The following RDH10 variants were observed in gnomAD, a reference collection of about 807,000 sequenced individuals.
RDH10 encodes the protein retinol dehydrogenase 10 (all-trans).
RDH10 carries 12 observed loss-of-function variants against 30.2 expected under a neutral mutation model. The ratio of observed to expected loss-of-function variants is 0.40; its 90% CI spans 0.25 to 0.64. RDH10 has a LOEUF of 0.64. Ranked by LOEUF, RDH10 falls within the 30% of genes least tolerant of loss-of-function variation. The probability of loss-of-function intolerance (pLI) is 0.43; values close to 1 mark genes in which losing one functional copy is unlikely to be tolerated. For synonymous variants in RDH10, 189 were observed against 172.2 expected (o/e 1.10, Z -0.76); for missense variants, 268 against 445.2 (o/e 0.60, Z 3.58).
In RDH10 at chr8:73,323,653, A is replaced by ATT. The variant is rs34248272; in HGVS notation, c.*635_*636dup. On this transcript the variant is annotated 3_prime_UTR_variant, in exon 6 of 6. Coordinates refer to ENST00000240285, the MANE Select transcript of RDH10 (RefSeq NM_172037.5). ...TCACAATGACTAAAGTATTAGTTGA[A>ATT]TTTTTTTTTTTTTTTTTTTGATGGA... 26,020 of 134,962 alleles carry ATT rather than the reference A, an allele frequency of 0.19. 2,992 individuals carry two copies. The highest frequency in any genetic ancestry group is 0.3 in the African/African-American group (10,650 of 35,880). The allele number at this position is 134,962 out of a possible 1,614,324, so 8.4% of individuals were successfully genotyped here.
chr8:73,295,930 TG>T, intron 1 of RDH10: 1 of 802,074 alleles, frequency 1.2e-6, no homozygotes, highest in Non-Finnish European at 1.6e-6. Flanking sequence ...AGCGGCGCGA[TG>T]GGAAACTGAA....
intron 2 of RDH10, among the ~76,000 whole-genome samples, chr8:73,316,962 T>C (rs921112300): frequency 3.9e-5 from 6 of 152,080 alleles, no homozygotes; most frequent in African/African-American, 1.4e-4. Context: ...ACCTCTGACA[T>C]TGAGGATTAT....
At chr8:73,309,409 A>G (rs1260321213) in intron 2 of RDH10, among the ~76,000 whole-genome samples, 1 of 152,204 alleles carries the variant, frequency 6.6e-6, no homozygotes, top group Admixed American at 6.5e-5. Context: ...TGGTTTAACC[A>G]GAGTTGTGAT....
intron 2 of RDH10, among the ~76,000 whole-genome samples, chr8:73,318,827 A>AT (rs1814718181): frequency 6.6e-6 from 1 of 152,198 alleles, no homozygotes; most frequent in Non-Finnish European, 1.5e-5. Flanking sequence ...GCTTCTGCCA[A>AT]TGGCTCTCTT....
At chr8:73,306,296 G>A (rs536171084) in intron 2 of RDH10, among the ~76,000 whole-genome samples, 21 of 152,352 alleles carry the variant, frequency 1.4e-4, no homozygotes, top group Non-Finnish European at 7.3e-5. Flanking sequence ...GCGAGGGGAC[G>A]CAAACCTTTT....
intron 2 of RDH10, among the ~76,000 whole-genome samples, chr8:73,307,985 T>C (rs1814491978): frequency 6.6e-6 from 1 of 152,220 alleles, no homozygotes; most frequent in Non-Finnish European, 1.5e-5. Context: ...TCTGGGCCTT[T>C]TCTGTACTTT....
chr8:73,323,089 A>C lies in RDH10; in HGVS notation c.*53A>C. On this transcript the variant is annotated 3_prime_UTR_variant, in exon 6 of 6. Transcript: ENST00000240285. The stretch of plus-strand genomic sequence containing the variant: ...TATCAGAAGATGATCAAGATGTTTC[A>C]GTCCAGTGCACATCAGCATTGCTGA... 1 of 1,403,706 alleles carries C rather than the reference A, an allele frequency of 7.1e-7. No individual in the cohort carries two copies. Among genetic ancestry groups the C allele is most frequent in the Non-Finnish European group, 1.0e-6 (1 of 991,184 alleles). The allele number at this position is 1,403,706 out of a possible 1,614,324, so 87.0% of individuals were successfully genotyped here. A position where few individuals can be genotyped will look rare whatever the true frequency, so the allele number is the denominator to read the frequency against.
At chr8:73,297,152 C>T (rs752433934) in intron 1 of RDH10, 42 bp from the exon 2 acceptor site, 3 of 1,194,768 alleles carry the variant, frequency 2.5e-6, no homozygotes, top group African/African-American at 1.5e-5. Context: ...GCACTTCCTT[C>T]TCTTTTGCAT....
At chr8:73,321,962 ATG>A in intron 4 of RDH10, 1 of 456,080 alleles carries the variant, frequency 2.2e-6, no homozygotes, top group Middle Eastern at 3.3e-4. Context: ...CTGTGTGAAC[ATG>A]TGTGTGTGTT....
chr8:73,304,349 C>T lies in RDH10; in HGVS notation c.525+6920C>T, dbSNP rs150845190. On this transcript the variant is annotated intron_variant, in intron 2 of 5. Coordinates refer to ENST00000240285, the MANE Select transcript of RDH10 (RefSeq NM_172037.5). ...CTTGTGCCCCTGTGCTTTGATTGATCGCCCCTTTCCTTTCCTACTTCATCC... is the reference window on the plus strand; with the variant it reads ...CTTGTGCCCCTGTGCTTTGATTGATTGCCCCTTTCCTTTCCTACTTCATCC... Among the ~76,000 whole-genome samples, 348 of 152,302 alleles carry T rather than the reference C, an allele frequency of 2.3e-3. 1 individual carries two copies. The highest frequency in any genetic ancestry group is 7.8e-3 in the African/African-American group (325 of 41,552).
In RDH10 at chr8:73,322,817, G is replaced by A. The variant is rs754341361; in HGVS notation, c.902+7G>A. The A allele has an allele frequency of 5.0e-6, 8 of 1,614,000 alleles. No homozygotes were observed. Among genetic ancestry groups the A allele is most frequent in the African/African-American group, 1.3e-5 (1 of 74,914 alleles). On this transcript the variant is annotated splice_region_variant and intron_variant, in intron 5 of 5. Coordinates refer to ENST00000240285, the MANE Select transcript of RDH10 (RefSeq NM_172037.5). ...TCGTGACCTTCATGAAGAGGTAACTGGGAGGGGTTCCCTCACTGACTGGGT... is the reference window on the plus strand; with the variant it reads ...TCGTGACCTTCATGAAGAGGTAACTAGGAGGGGTTCCCTCACTGACTGGGT...
In RDH10 at chr8:73,325,246, T is replaced by TG. The variant is rs1161114491; in HGVS notation, c.*2211dup. On this transcript the variant is annotated 3_prime_UTR_variant, in exon 6 of 6. Coordinates refer to ENST00000240285, the MANE Select transcript of RDH10 (RefSeq NM_172037.5). ...TTGTTTGTTATTGCCCTTATAAGGG[T>TG]GTCCATCTCCAAGTTCAATAAACTA... 1.3e-5 allele frequency: 2 copies of TG among 152,250 alleles called. No homozygotes were observed. Among genetic ancestry groups the TG allele is most frequent in the African/African-American group, 2.4e-5 (1 of 41,460 alleles). The allele number at this position is 152,250 out of a possible 1,614,324, so 9.4% of individuals were successfully genotyped here.
chr8:73,319,883 G>T (rs1020278790), intron 3 of RDH10, among the ~76,000 whole-genome samples: 6 of 152,228 alleles, frequency 3.9e-5, no homozygotes, highest in African/African-American at 1.4e-4. Flanking sequence ...ACGATATTCA[G>T]ATTATAAAGT....
intron 2 of RDH10, among the ~76,000 whole-genome samples, chr8:73,316,273 C>T (rs916694595): frequency 2.0e-5 from 3 of 152,200 alleles, no homozygotes; most frequent in Non-Finnish European, 4.4e-5. Context: ...CCGCCTTAAC[C>T]TCCCCCAAAG....
At position 73,322,948 on chromosome 8, in the gene RDH10, G is replaced by A. The variant is rs754396419; in HGVS notation, c.938G>A (p.Arg313Gln). Reference protein sequence around the residue: ...LPFEAVVCMYRFLGADKCMYP... With the variant: ...LPFEAVVCMYQFLGADKCMYP... ...TTTGAAGCAGTTGTGTGCATGTATC[G>A]GTTCCTAGGAGCGGACAAGTGTATG... Residue 313 changes from arginine to glutamine, a missense_variant, in exon 6 of 6, where the codon CGG (arginine) becomes CAG (glutamine). Coordinates refer to ENST00000240285, the MANE Select transcript of RDH10 (RefSeq NM_172037.5). The A allele has an allele frequency of 8.1e-6, 13 of 1,614,056 alleles. No homozygotes were observed. The highest frequency in any genetic ancestry group is 1.7e-5 in the Admixed American group (1 of 60,016).
intron 2 of RDH10, among the ~76,000 whole-genome samples, chr8:73,308,342 TC>T (rs2130366643): frequency 6.6e-6 from 1 of 152,356 alleles, no homozygotes; most frequent in East Asian, 1.9e-4. Context: ...TCATGGATTT[TC>T]AAAATTGTGC....
In RDH10 at chr8:73,324,162, A is replaced by G. The variant is rs906724530; in HGVS notation, c.*1126A>G. ...ACAGTTTTTAAAAATGGGAACTTCT[A>G]CATTGAAAAGTCCCCATTTTTGTGC... On this transcript the variant is annotated 3_prime_UTR_variant, in exon 6 of 6. Transcript: ENST00000240285. 6.5e-6 allele frequency: 1 copy of G among 152,676 alleles called. No individual in the cohort carries two copies. The highest frequency in any genetic ancestry group is 2.4e-5 in the African/African-American group (1 of 41,474). The allele number at this position is 152,676 out of a possible 1,614,324, so 9.5% of individuals were successfully genotyped here. A position where few individuals can be genotyped will look rare whatever the true frequency, so the allele number is the denominator to read the frequency against.
At chr8:73,310,326 A>G (rs1306442714) in intron 2 of RDH10, among the ~76,000 whole-genome samples, 2 of 152,236 alleles carry the variant, frequency 1.3e-5, no homozygotes, top group Non-Finnish European at 2.9e-5. Flanking sequence ...GAATATATTT[A>G]CCCTTCATTT....
intron 2 of RDH10, among the ~76,000 whole-genome samples, chr8:73,308,532 A>G (rs764560288): frequency 5.3e-5 from 8 of 152,210 alleles, no homozygotes; most frequent in Non-Finnish European, 1.2e-4. Flanking sequence ...GACGGAGTCT[A>G]CAGTCCCTGT....
Sources: gnomAD v4.1 joint callset for allele counts (sites outside exome capture counted in the v4.1 genomes callset) on GRCh38, gnomAD v4.1.1 for gene constraint, MANE v1.5 for transcripts, NCBI Gene and HGNC (gene_info 2026-07-23, HGNC 2026-07-21) for gene names.